C10orf67: variants seen among roughly 807,000 people sequenced by gnomAD.
C10orf67 encodes uncharacterized protein C10orf67, mitochondrial.
Under a neutral mutation model 35.6 loss-of-function variants are expected in C10orf67, and 60 were observed. That is an observed-to-expected ratio of 1.68 (90% confidence interval 1.37 to 2.09). C10orf67 has a LOEUF of 2.09. Among genes scored for constraint, C10orf67 ranks in the 30% most tolerant of loss-of-function variants. The pLI is 0.00. For missense variants in C10orf67, 474 were observed against 330.2 expected (o/e 1.44, Z -3.38); for synonymous variants, 167 against 115.8 (o/e 1.44, Z -2.84).
At chr10:23,230,748 C>CAT (rs966394577) in intron 13 of C10orf67, among the ~76,000 whole-genome samples, 1 of 151,886 alleles carries the variant, frequency 6.6e-6, no homozygotes, top group African/African-American at 2.4e-5. Flanking sequence ...ATTATAAACA[C>CAT]ACACATACAC....
intron 8 of C10orf67, among the ~76,000 whole-genome samples, chr10:23,271,815 T>C (rs936811791): frequency 1.3e-5 from 2 of 152,248 alleles, no homozygotes; most frequent in South Asian, 4.1e-4. Flanking sequence ...ATAGTCTATA[T>C]GCAAATCCTT....
intron 2 of C10orf67, among the ~76,000 whole-genome samples, chr10:23,328,657 A>G (rs1325401168): frequency 6.7e-6 from 1 of 150,088 alleles, no homozygotes; most frequent in African/African-American, 2.5e-5. Flanking sequence ...TGCTATCCTA[A>G]TTGATACCCA....
At chr10:23,222,440 T>C (rs546666996) in intron 15 of C10orf67, among the ~76,000 whole-genome samples, 3 of 152,230 alleles carry the variant, frequency 2.0e-5, no homozygotes, top group Admixed American at 6.5e-5. Context: ...TTCTCACTTA[T>C]AAGAGCTAAA....
At position 23,344,554 on chromosome 10, in the gene C10orf67, C is replaced by T. The variant is rs749840522; in HGVS notation, c.206+15G>A. On this transcript the variant is annotated intron_variant, in intron 1 of 15. Transcript: ENST00000636213. ...GCTCGCTTCCTCCTCTACCCAGGCG[C>T]GGAGCTCAGCCTACCTCGTGGACCC... is the stretch of plus-strand genomic sequence containing the variant. The T allele has an allele frequency of 1.7e-5, 26 of 1,563,700 alleles. No individual in the cohort carries two copies. The highest frequency in any genetic ancestry group is 1.8e-5 in the Non-Finnish European group (21 of 1,154,832).
At position 23,203,229 on chromosome 10, in the gene C10orf67, T is replaced by C. The variant is rs1841068367; in HGVS notation, c.*944A>G. The C allele has an allele frequency of 1.3e-5, 2 of 152,332 alleles. No homozygotes were observed. The highest frequency in any genetic ancestry group is 3.4e-3 in the Middle Eastern group (1 of 294). 9.4% of individuals were successfully genotyped at this position (152,332 alleles called of 1,614,324 possible). ...ACAGCGGCATATAGTGCATAGTAGA[T>C]GAAGCTCGAATAACGCTCCACAGCG... On this transcript the variant is annotated 3_prime_UTR_variant, in exon 16 of 16. Coordinates refer to ENST00000636213, the MANE Select transcript of C10orf67 (RefSeq NM_001371909.1).
intron 13 of C10orf67, among the ~76,000 whole-genome samples, chr10:23,239,286 T>A (rs1489947679): frequency 6.6e-6 from 1 of 152,222 alleles, no homozygotes; most frequent in Non-Finnish European, 1.5e-5. Context: ...CTTTATCTAT[T>A]ACACGAATTC....
At chr10:23,211,476 T>TTTG (rs1841303954) in intron 15 of C10orf67, among the ~76,000 whole-genome samples, 1 of 119,148 alleles carries the variant, frequency 8.4e-6, no homozygotes, top group Admixed American at 9.7e-5. Flanking sequence ...TGTGTGTGTG[T>TTTG]GTGGGGGGGG....
intron 5 of C10orf67, among the ~76,000 whole-genome samples, chr10:23,296,934 C>T (rs1843898151): frequency 6.6e-6 from 1 of 152,204 alleles, no homozygotes; most frequent in African/African-American, 2.4e-5. Context: ...AATTTGGCCA[C>T]CTGATGGGTG....
chr10:23,257,435 G>A (rs763625000), intron 10 of C10orf67, among the ~76,000 whole-genome samples: 4 of 152,110 alleles, frequency 2.6e-5, no homozygotes, highest in Admixed American at 6.5e-5. Context: ...TAAGCTGAGG[G>A]TAGAGTGGTA....
intron 4 of C10orf67, among the ~76,000 whole-genome samples, chr10:23,305,354 A>G (rs940081124): frequency 3.3e-5 from 5 of 152,220 alleles, no homozygotes; most frequent in African/African-American, 1.2e-4. Context: ...AGCAATAGTA[A>G]ATGCTAGGCA....
chr10:23,291,026 T>C (rs1007133030), intron 6 of C10orf67, 106 bp downstream of exon 6: 11 of 597,078 alleles, frequency 1.8e-5, no homozygotes, highest in Admixed American at 1.6e-4. Flanking sequence ...ATCTTTCAAA[T>C]GTAAATAACC....
chr10:23,234,707 G>A, intron 13 of C10orf67, among the ~76,000 whole-genome samples: 1 of 148,874 alleles, frequency 6.7e-6, no homozygotes, highest in African/African-American at 2.5e-5. Context: ...TTCAAGTCAA[G>A]GCTAAAAAAA....
chr10:23,213,661 A>G (rs576114652), intron 15 of C10orf67, among the ~76,000 whole-genome samples: 13 of 152,220 alleles, frequency 8.5e-5, no homozygotes, highest in Non-Finnish European at 1.9e-4. Context: ...ACATACACAT[A>G]TATTAAAACA....
At chr10:23,287,124 A>G (rs968611032) in intron 7 of C10orf67, among the ~76,000 whole-genome samples, 2 of 152,216 alleles carry the variant, frequency 1.3e-5, no homozygotes, top group Non-Finnish European at 2.9e-5. Flanking sequence ...AGTAAAAACT[A>G]TTTTAAATTT....
At chr10:23,224,821 G>T (rs540138279) in intron 13 of C10orf67, among the ~76,000 whole-genome samples, 15 of 152,124 alleles carry the variant, frequency 9.9e-5, no homozygotes, top group African/African-American at 3.1e-4. Context: ...GAAGTTTAGA[G>T]AAAAAAGAGT....
At chr10:23,223,510 A>G in intron 15 of C10orf67, 88 bp downstream of exon 15, 1 of 700,806 alleles carries the variant, frequency 1.4e-6, no homozygotes, top group Non-Finnish European at 2.6e-6. Context: ...AATACCAAAT[A>G]CCTCAGGGTA....
At chr10:23,260,924 T>C (rs1842731278) in intron 10 of C10orf67, among the ~76,000 whole-genome samples, 1 of 152,254 alleles carries the variant, frequency 6.6e-6, no homozygotes, top group African/African-American at 2.4e-5. Flanking sequence ...TCTTATGCTT[T>C]ATTTAATGTA....
At chr10:23,238,955 T>C (rs1043047491) in intron 13 of C10orf67, among the ~76,000 whole-genome samples, 7 of 152,098 alleles carry the variant, frequency 4.6e-5, no homozygotes, top group African/African-American at 1.2e-4. Flanking sequence ...GCAACTTAAA[T>C]TTAGAAAATG....
chr10:23,252,589 C>T (rs1480498859), intron 10 of C10orf67, among the ~76,000 whole-genome samples: 2 of 151,496 alleles, frequency 1.3e-5, no homozygotes, highest in Non-Finnish European at 2.9e-5. Context: ...AGAGAAATTA[C>T]AAAAGAGGTG....
Sources: gnomAD v4.1 joint callset for allele counts (sites outside exome capture counted in the v4.1 genomes callset) on GRCh38, gnomAD v4.1.1 for gene constraint, MANE v1.5 for transcripts, NCBI Gene and HGNC (gene_info 2026-07-23, HGNC 2026-07-21) for gene names.